Variants in ARL14EPL observed in about 807,000 individuals in gnomAD.
The protein encoded by ARL14EPL is ARL14 effector protein-like.
A neutral mutation model predicts 15.9 loss-of-function variants in ARL14EPL; 17 were observed. That is an observed-to-expected ratio of 1.07 (90% CI 0.73 to 1.60). The LOEUF is 1.60. ARL14EPL is among the 40% of genes most tolerant of loss of function. The pLI is 0.00. For synonymous variants in ARL14EPL, 78 were observed against 63.8 expected (o/e 1.22, Z -1.06); for missense variants, 214 against 185.9 (o/e 1.15, Z -0.88).
chr5:116,055,616 A>T (rs541030882), intron 3 of ARL14EPL, among the ~76,000 whole-genome samples: 7 of 151,708 alleles, frequency 4.6e-5, no homozygotes, highest in African/African-American at 1.7e-4. Context: ...GACCAAAACA[A>T]GGAAGTGACT....
intron 3 of ARL14EPL, among the ~76,000 whole-genome samples, chr5:116,055,769 G>A (rs1182204622): frequency 1.3e-5 from 2 of 151,978 alleles, no homozygotes; most frequent in African/African-American, 4.8e-5. Flanking sequence ...TTTACATTAG[G>A]TATGTCTCCT....
intron 1 of ARL14EPL, among the ~76,000 whole-genome samples, chr5:116,040,567 A>G (rs1443160551): frequency 6.6e-6 from 1 of 151,442 alleles, no homozygotes; most frequent in Non-Finnish European, 1.5e-5. Flanking sequence ...ACACAATATT[A>G]GCATATAGTT....
At chr5:116,052,392 C>A in intron 2 of ARL14EPL, 1 of 706,200 alleles carries the variant, frequency 1.4e-6, no homozygotes, top group South Asian at 1.6e-5. Context: ...ATTATTATGT[C>A]ACGTTATGGC....
intron 2 of ARL14EPL, among the ~76,000 whole-genome samples, chr5:116,052,871 T>C (rs1561580409): frequency 6.6e-6 from 1 of 152,230 alleles, no homozygotes; most frequent in South Asian, 2.1e-4. Context: ...TATGTCAGCC[T>C]ATATGTTTTT....
intron 1 of ARL14EPL, among the ~76,000 whole-genome samples, chr5:116,046,039 T>G (rs1749261631): frequency 6.6e-6 from 1 of 152,128 alleles, no homozygotes; most frequent in East Asian, 1.9e-4. Flanking sequence ...GCGTCCTTTC[T>G]CTCTACCAGA....
intron 3 of ARL14EPL, among the ~76,000 whole-genome samples, chr5:116,055,371 A>G (rs1211851387): frequency 6.6e-6 from 1 of 152,236 alleles, no homozygotes; most frequent in Non-Finnish European, 1.5e-5. Context: ...GTTTCATGGC[A>G]TCACTGAAAT....
At chr5:116,053,923 T>A (rs1290560799) in intron 2 of ARL14EPL, 91 bp from the exon 3 acceptor site, 34 of 1,096,416 alleles carry the variant, frequency 3.1e-5, no homozygotes, top group Non-Finnish European at 4.2e-5. Flanking sequence ...CATGCCTTTA[T>A]GGTGAAAGTT....
At chr5:116,055,683 A>T (rs966931843) in intron 3 of ARL14EPL, among the ~76,000 whole-genome samples, 1 of 151,868 alleles carries the variant, frequency 6.6e-6, no homozygotes, top group Non-Finnish European at 1.5e-5. Flanking sequence ...GTTCTAGGGT[A>T]CATGTGCACA....
In ARL14EPL at chr5:116,059,181, C is replaced by T. The variant is rs1435757760; in HGVS notation, c.*234C>T. The stretch of plus-strand genomic sequence containing the variant: ...CCAAAGAATGTAACAATGGAGGGAT[C>T]AGCATTTCTCATCAGCACCCTCATC... On this transcript the variant is annotated 3_prime_UTR_variant, in exon 4 of 4. Transcript: ENST00000686077. 10 of 507,438 alleles carry T rather than the reference C, an allele frequency of 2.0e-5. No individual in the cohort carries two copies. Among genetic ancestry groups the T allele is most frequent in the South Asian group, 1.4e-4 (6 of 43,402 alleles). The allele number at this position is 507,438 out of a possible 1,614,324, so 31.4% of individuals were successfully genotyped here. A position where few individuals can be genotyped will look rare whatever the true frequency, so the allele number is the denominator to read the frequency against.
At chr5:116,047,645 G>A (rs1430335175) in intron 1 of ARL14EPL, among the ~76,000 whole-genome samples, 1 of 152,220 alleles carries the variant, frequency 6.6e-6, no homozygotes, top group Non-Finnish European at 1.5e-5. Flanking sequence ...ATTCTCCCTG[G>A]ACTCTCTGAG....
intron 1 of ARL14EPL, among the ~76,000 whole-genome samples, chr5:116,037,888 A>C (rs764600610): frequency 6.6e-6 from 1 of 152,198 alleles, no homozygotes; most frequent in Non-Finnish European, 1.5e-5. Flanking sequence ...TGAGATAAAC[A>C]CTGCATTGAT....
At chr5:116,056,325 T>C (rs1322517751) in intron 3 of ARL14EPL, among the ~76,000 whole-genome samples, 2 of 152,238 alleles carry the variant, frequency 1.3e-5, no homozygotes, top group Non-Finnish European at 2.9e-5. Context: ...TCCTGACTTT[T>C]TAATGATCGT....
chr5:116,045,604 G>A (rs1749251558), intron 1 of ARL14EPL, among the ~76,000 whole-genome samples: 1 of 152,196 alleles, frequency 6.6e-6, no homozygotes, highest in African/African-American at 2.4e-5. Flanking sequence ...GATGCCAGAT[G>A]GTAGCATTCG....
chr5:116,040,066 C>A (rs1749120646), intron 1 of ARL14EPL, among the ~76,000 whole-genome samples: 1 of 152,152 alleles, frequency 6.6e-6, no homozygotes, highest in Non-Finnish European at 1.5e-5. Flanking sequence ...ACTTTTTACT[C>A]TCCCAACTTA....
intron 1 of ARL14EPL, among the ~76,000 whole-genome samples, chr5:116,041,340 T>A (rs1749154269): frequency 6.6e-6 from 1 of 152,230 alleles, no homozygotes; most frequent in Non-Finnish European, 1.5e-5. Flanking sequence ...TATATGTATT[T>A]ATTTACTGGC....
chr5:116,036,390 T>A (rs1383382796), intron 1 of ARL14EPL, among the ~76,000 whole-genome samples: 1 of 123,496 alleles, frequency 8.1e-6, no homozygotes, highest in Non-Finnish European at 1.7e-5. Context: ...CAGGCAGTGC[T>A]TCGTATAGAA....
chr5:116,040,894 T>G (rs1456731189), intron 1 of ARL14EPL, among the ~76,000 whole-genome samples: 1 of 139,762 alleles, frequency 7.2e-6, no homozygotes. Flanking sequence ...GGCAGGAGAA[T>G]CGCATGAACC....
intron 3 of ARL14EPL, among the ~76,000 whole-genome samples, chr5:116,057,343 G>C (rs1749543419): frequency 6.6e-6 from 1 of 151,010 alleles, no homozygotes; most frequent in Non-Finnish European, 1.5e-5. Flanking sequence ...GCACACAGAA[G>C]TTTGTTTTAT....
intron 3 of ARL14EPL, 133 bp downstream of exon 3, chr5:116,054,286 C>G: frequency 9.5e-7 from 1 of 1,052,272 alleles, no homozygotes; most frequent in East Asian, 2.7e-5. Flanking sequence ...ATAATAGTAC[C>G]CATGTGTCTG....
Sources: allele counts gnomAD v4.1 joint callset (sites outside exome capture counted in the v4.1 genomes callset), GRCh38; gene constraint gnomAD v4.1.1; transcripts MANE v1.5; gene names NCBI Gene and HGNC (gene_info 2026-07-23, HGNC 2026-07-21).